Variants in PHACTR1 observed in about 807,000 individuals in gnomAD.
PHACTR1 encodes the protein RPEL repeat containing 1.
A neutral mutation model predicts 69.2 loss-of-function variants in PHACTR1; 16 were observed. The observed-to-expected ratio is 0.23, with a 90% CI of 0.16 to 0.35. The LOEUF (loss-of-function observed/expected upper bound fraction) is 0.35, where lower values mean the gene tolerates loss of function less well. PHACTR1 is among the 10% of genes least tolerant of loss of function. The pLI is 1.00. For missense variants in PHACTR1, 510 were observed against 734.7 expected (o/e 0.69, Z 3.54); for synonymous variants, 312 against 284.5 (o/e 1.10, Z -0.97).
intron 4 of PHACTR1, among the ~76,000 whole-genome samples, chr6:12,865,337 G>C (rs574428374): frequency 1.3e-4 from 20 of 152,180 alleles, no homozygotes; most frequent in Middle Eastern, 3.2e-3. Flanking sequence ...CATGGGAGCA[G>C]AAAAATATCC....
At chr6:12,792,884 A>C (rs959240825) in intron 4 of PHACTR1, among the ~76,000 whole-genome samples, 1 of 148,724 alleles carries the variant, frequency 6.7e-6, no homozygotes, top group Non-Finnish European at 1.5e-5. Context: ...GGAATTCTGA[A>C]GCATTTCTGT....
intron 5 of PHACTR1, among the ~76,000 whole-genome samples, chr6:13,130,606 TAGAA>T (rs1042967693): frequency 6.6e-6 from 1 of 151,916 alleles, no homozygotes; most frequent in Non-Finnish European, 1.5e-5. Flanking sequence ...CAGATTAAAT[TAGAA>T]AGAAATAGAA....
intron 10 of PHACTR1, among the ~76,000 whole-genome samples, chr6:13,257,195 G>A (rs962947733): frequency 4.6e-5 from 7 of 151,956 alleles, no homozygotes; most frequent in African/African-American, 1.7e-4. Context: ...AGAGAGAGAG[G>A]AGGAGGTGCC....
intron 3 of PHACTR1, among the ~76,000 whole-genome samples, chr6:12,723,909 C>T (rs1762459459): frequency 6.6e-6 from 1 of 152,218 alleles, no homozygotes; most frequent in East Asian, 1.9e-4. Flanking sequence ...CTGACAACTA[C>T]TGACCTTTGT....
At chr6:13,145,023 A>G (rs569162775) in intron 5 of PHACTR1, among the ~76,000 whole-genome samples, 4 of 152,362 alleles carry the variant, frequency 2.6e-5, no homozygotes, top group Non-Finnish European at 5.9e-5. Flanking sequence ...GCAATGAAAT[A>G]GGCTCTGTAA....
At chr6:13,172,796 C>G (rs1760799850) in intron 6 of PHACTR1, among the ~76,000 whole-genome samples, 1 of 152,162 alleles carries the variant, frequency 6.6e-6, no homozygotes, top group Non-Finnish European at 1.5e-5. Flanking sequence ...CCATTTCATT[C>G]CTTGTGTGAA....
At chr6:13,187,081 G>C (rs1257142408) in intron 7 of PHACTR1, among the ~76,000 whole-genome samples, 22 of 152,128 alleles carry the variant, frequency 1.4e-4, no homozygotes, top group Non-Finnish European at 4.4e-5. Flanking sequence ...GACAGGAGGT[G>C]GAGCTCAGGA....
chr6:12,907,359 A>G (rs2327620), intron 4 of PHACTR1, among the ~76,000 whole-genome samples: 80,991 of 152,074 alleles, frequency 0.53, 24,066 homozygotes, highest in East Asian at 0.91. Flanking sequence ...GAGAAGTTTG[A>G]AAATCATGAG....
chr6:13,208,683 G>T (rs1338420225), intron 8 of PHACTR1, among the ~76,000 whole-genome samples: 1 of 141,208 alleles, frequency 7.1e-6, no homozygotes, highest in East Asian at 2.1e-4. Flanking sequence ...TATCTCTCAT[G>T]AGCGTCAATC....
At chr6:12,883,553 A>G (rs558441704) in intron 4 of PHACTR1, among the ~76,000 whole-genome samples, 2 of 151,872 alleles carry the variant, frequency 1.3e-5, no homozygotes, top group South Asian at 4.2e-4. Flanking sequence ...AGTCTGAAAA[A>G]ATAAAACCAC....
chr6:12,780,913 G>T (rs1770737230), intron 4 of PHACTR1, among the ~76,000 whole-genome samples: 14 of 152,300 alleles, frequency 9.2e-5, no homozygotes, highest in Admixed American at 7.8e-4. Context: ...GGAATGGGGA[G>T]AGACATATTA....
intron 7 of PHACTR1, chr6:13,185,120 T>A: frequency 1.3e-6 from 1 of 754,392 alleles, no homozygotes; most frequent in Non-Finnish European, 1.8e-6. Flanking sequence ...GGTTGCCCTG[T>A]GGGATGTTTG....
At chr6:12,741,479 A>G (rs917298588) in intron 3 of PHACTR1, among the ~76,000 whole-genome samples, 1 of 152,094 alleles carries the variant, frequency 6.6e-6, no homozygotes, top group Non-Finnish European at 1.5e-5. Context: ...TTCTTCCACC[A>G]TATATATACT....
intron 4 of PHACTR1, among the ~76,000 whole-genome samples, chr6:13,003,066 G>A (rs1319340507): frequency 6.6e-6 from 1 of 152,108 alleles, no homozygotes; most frequent in East Asian, 1.9e-4. Context: ...GAAATCAGAG[G>A]ATTTTAACCT....
intron 4 of PHACTR1, among the ~76,000 whole-genome samples, chr6:12,751,613 A>G (rs973024996): frequency 6.6e-6 from 1 of 152,250 alleles, no homozygotes; most frequent in African/African-American, 2.4e-5. Context: ...CTGCTACTCA[A>G]TTAATTACTT....
At chr6:13,262,003 C>A (rs1775979517) in intron 10 of PHACTR1, among the ~76,000 whole-genome samples, 1 of 152,164 alleles carries the variant, frequency 6.6e-6, no homozygotes, top group Non-Finnish European at 1.5e-5. Context: ...TGACTCTGTC[C>A]TGTGAGCACT....
At chr6:12,983,310 G>C (rs957965419) in intron 4 of PHACTR1, among the ~76,000 whole-genome samples, 1 of 152,166 alleles carries the variant, frequency 6.6e-6, no homozygotes, top group African/African-American at 2.4e-5. Flanking sequence ...AAATCTGATT[G>C]TAATTTATCT....
intron 4 of PHACTR1, among the ~76,000 whole-genome samples, chr6:12,951,770 C>T (rs536352351): frequency 6.6e-6 from 1 of 152,316 alleles, no homozygotes; most frequent in Admixed American, 6.5e-5. Context: ...CCAGAAACCC[C>T]TTTGGTAATA....
intron 8 of PHACTR1, among the ~76,000 whole-genome samples, chr6:13,212,832 C>CG (rs1767076915): frequency 6.6e-6 from 1 of 152,188 alleles, no homozygotes; most frequent in African/African-American, 2.4e-5. Context: ...TCACCTGCCT[C>CG]GGGTCTCTAC....
Sources: allele counts gnomAD v4.1 joint callset (sites outside exome capture counted in the v4.1 genomes callset), GRCh38; gene constraint gnomAD v4.1.1; transcripts MANE v1.5; gene names NCBI Gene and HGNC (gene_info 2026-07-23, HGNC 2026-07-21).